The following CLIC4 variants were observed in gnomAD, a reference collection of about 807,000 sequenced individuals.
The protein encoded by CLIC4 is CLIC family member 4, also known as chloride intracellular channel protein 4.
Under a neutral mutation model 24.6 loss-of-function variants are expected in CLIC4, and 13 were observed. The observed-to-expected ratio is 0.53, with a 90% CI of 0.34 to 0.84. The LOEUF (loss-of-function observed/expected upper bound fraction) is 0.84. Among genes scored for constraint, CLIC4 ranks in the 40% least tolerant of loss-of-function variants. The pLI is 0.01. For synonymous variants in CLIC4, 104 were observed against 111.3 expected, an observed-to-expected ratio of 0.93 and a Z score of 0.41; for missense variants, 227 against 301.7, an observed-to-expected ratio of 0.75 and a Z score of 1.83.
intron 2 of CLIC4, among the ~76,000 whole-genome samples, chr1:24,799,294 C>G (rs527849416): frequency 1.3e-5 from 2 of 150,872 alleles, no homozygotes; most frequent in East Asian, 3.9e-4. Flanking sequence ...GCGCCTCTGC[C>G]CCGCCTCCCC....
At chr1:24,793,723 A>C (rs372318496) in intron 1 of CLIC4, among the ~76,000 whole-genome samples, 1 of 150,910 alleles carries the variant, frequency 6.6e-6, no homozygotes, top group Non-Finnish European at 1.5e-5. Flanking sequence ...TTTTTTTCTT[A>C]AACCAAGCTC....
intron 1 of CLIC4, among the ~76,000 whole-genome samples, chr1:24,784,003 ATTTT>A (rs552630401): frequency 1.5e-5 from 2 of 130,254 alleles, no homozygotes; most frequent in Non-Finnish European, 1.7e-5. Context: ...TCCAGTTTTG[ATTTT>A]TTTTTTTTTT....
At chr1:24,767,037 AAAAAAAAAAAAG>A (rs1394296836) in intron 1 of CLIC4, among the ~76,000 whole-genome samples, 3 of 150,738 alleles carry the variant, frequency 2.0e-5, no homozygotes, top group Non-Finnish European at 4.4e-5. Flanking sequence ...AAAAAAAAAA[AAAAAAAAAAAAG>A]AAAAAGAAAA....
At position 24,745,496 on chromosome 1, in the gene CLIC4, C is replaced by T; in HGVS notation, c.-58C>T. ...ACCGGCAGCCGGAGCAGTCCCGGAG[C>T]AGAAGCAGCAGCAGCAGCAGCAGCC... On this transcript the variant is annotated 5_prime_UTR_variant, in exon 1 of 6. Coordinates refer to ENST00000374379, the MANE Select transcript of CLIC4 (RefSeq NM_013943.3). 1.3e-6 allele frequency: 2 copies of T among 1,485,366 alleles called. No individual in the cohort carries two copies. Among genetic ancestry groups the T allele is most frequent in the East Asian group, 2.6e-5 (1 of 38,942 alleles). 92.0% of individuals were successfully genotyped at this position (1,485,366 alleles called of 1,614,324 possible).
intron 1 of CLIC4, among the ~76,000 whole-genome samples, chr1:24,778,141 C>G (rs187665458): frequency 1.6e-3 from 246 of 152,234 alleles, no homozygotes; most frequent in African/African-American, 5.6e-3. Context: ...AGGTGAGATT[C>G]TAGCATCTCC....
At chr1:24,753,979 T>C (rs1418062448) in intron 1 of CLIC4, among the ~76,000 whole-genome samples, 1 of 152,246 alleles carries the variant, frequency 6.6e-6, no homozygotes, top group Non-Finnish European at 1.5e-5. Flanking sequence ...TAACTCAATA[T>C]TCAGACAATA....
At chr1:24,830,197 T>G (rs1355092659) in intron 4 of CLIC4, among the ~76,000 whole-genome samples, 1 of 152,186 alleles carries the variant, frequency 6.6e-6, no homozygotes, top group African/African-American at 2.4e-5. Flanking sequence ...TTAATAAAAC[T>G]TAATTGCCCC....
intron 1 of CLIC4, among the ~76,000 whole-genome samples, chr1:24,775,534 T>C (rs987589845): frequency 6.6e-6 from 1 of 150,976 alleles, no homozygotes; most frequent in Non-Finnish European, 1.5e-5. Context: ...CTCTCTCTCT[T>C]TTCTTTCTTT....
intron 1 of CLIC4, among the ~76,000 whole-genome samples, chr1:24,769,591 C>T (rs1639047836): frequency 6.6e-6 from 1 of 151,924 alleles, no homozygotes; most frequent in South Asian, 2.1e-4. Flanking sequence ...GAATGCTTTC[C>T]TAACAGAATT....
At chr1:24,791,926 G>A (rs1359765037) in intron 1 of CLIC4, among the ~76,000 whole-genome samples, 1 of 151,256 alleles carries the variant, frequency 6.6e-6, no homozygotes, top group Non-Finnish European at 1.5e-5. Context: ...GTGGGCGCCT[G>A]TACTCCCAGC....
intron 1 of CLIC4, among the ~76,000 whole-genome samples, chr1:24,766,476 T>G (rs1011334944): frequency 2.7e-3 from 6 of 2,238 alleles, no homozygotes; most frequent in Admixed American, 0.014. Flanking sequence ...CCAGACGGTT[T>G]TTTTTTTTTT....
intron 3 of CLIC4, among the ~76,000 whole-genome samples, chr1:24,814,495 C>G (rs191317981): frequency 2.6e-5 from 4 of 152,180 alleles, no homozygotes; most frequent in African/African-American, 9.6e-5. Context: ...TATTTGTGGA[C>G]TGTAGGTCTC....
intron 1 of CLIC4, among the ~76,000 whole-genome samples, chr1:24,785,082 CTTT>C (rs71577732): frequency 7.3e-6 from 1 of 137,492 alleles, no homozygotes; most frequent in Non-Finnish European, 1.6e-5. Flanking sequence ...TTATGTAGAC[CTTT>C]TTTTTTTTTT....
intron 4 of CLIC4, among the ~76,000 whole-genome samples, chr1:24,838,247 A>G (rs1429196486): frequency 6.6e-6 from 1 of 152,172 alleles, no homozygotes; most frequent in African/African-American, 2.4e-5. Context: ...TCAACAGTGA[A>G]TTTAACAATC....
chr1:24,759,800 C>A (rs923435617), intron 1 of CLIC4, among the ~76,000 whole-genome samples: 1 of 151,884 alleles, frequency 6.6e-6, no homozygotes, highest in Non-Finnish European at 1.5e-5. Flanking sequence ...TTTGCAAAAA[C>A]ACAAAAATCT....
At chr1:24,766,695 A>G (rs1016382717) in intron 1 of CLIC4, among the ~76,000 whole-genome samples, 1 of 150,702 alleles carries the variant, frequency 6.6e-6, no homozygotes, top group Non-Finnish European at 1.5e-5. Flanking sequence ...TAGTAGAGAC[A>G]TAGTTTCGCT....
intron 1 of CLIC4, among the ~76,000 whole-genome samples, chr1:24,775,419 T>C (rs150597978): frequency 1.2e-3 from 187 of 151,754 alleles, no homozygotes; most frequent in African/African-American, 4.4e-3. Context: ...AAAATATAAA[T>C]GTTTTAGTAT....
intron 4 of CLIC4, among the ~76,000 whole-genome samples, chr1:24,827,600 AC>A (rs959870521): frequency 9.4e-6 from 1 of 106,330 alleles, no homozygotes; most frequent in African/African-American, 3.8e-5. Flanking sequence ...TTTGCTAATT[AC>A]CCTTGAGCAA....
chr1:24,822,082 G>A (rs1412922139), intron 3 of CLIC4, among the ~76,000 whole-genome samples: 2 of 152,142 alleles, frequency 1.3e-5, no homozygotes, highest in Non-Finnish European at 2.9e-5. Context: ...GCAGAGCAGG[G>A]ATACTTTTGA....
Sources: allele counts gnomAD v4.1 joint callset (sites outside exome capture counted in the v4.1 genomes callset), GRCh38; gene constraint gnomAD v4.1.1; transcripts MANE v1.5; gene names NCBI Gene and HGNC (gene_info 2026-07-23, HGNC 2026-07-21).